The following NELL1 variants were observed in gnomAD, a reference collection of about 807,000 sequenced individuals.
NELL1 encodes protein kinase C-binding protein NELL1.
NELL1 carries 76 observed loss-of-function variants against 107.4 expected under a neutral mutation model. The ratio of observed to expected loss-of-function variants is 0.71; its 90% CI spans 0.59 to 0.86. The LOEUF is 0.86. NELL1 is among the 40% of genes least tolerant of loss of function. The pLI is 0.00. For synonymous variants in NELL1, 353 were observed against 341.2 expected (o/e 1.03, Z -0.38); for missense variants, 1,024 against 1,005.5 (o/e 1.02, Z -0.25).
At chr11:20,766,597 G>A (rs953984562) in intron 2 of NELL1, among the ~76,000 whole-genome samples, 1 of 152,152 alleles carries the variant, frequency 6.6e-6, no homozygotes, top group Non-Finnish European at 1.5e-5. Context: ...CAACTTCCTG[G>A]GGTCCTGCTT....
At chr11:21,544,810 T>TA (rs1373660693) in intron 16 of NELL1, among the ~76,000 whole-genome samples, 1 of 151,922 alleles carries the variant, frequency 6.6e-6, no homozygotes, top group Admixed American at 6.6e-5. Context: ...AGAATGAATA[T>TA]AAATTCCTAT....
At chr11:21,413,192 A>C (rs1852423169) in intron 15 of NELL1, among the ~76,000 whole-genome samples, 1 of 152,078 alleles carries the variant, frequency 6.6e-6, no homozygotes, top group South Asian at 2.1e-4. Flanking sequence ...ACGATGTGAC[A>C]GATGTTCAGC....
At chr11:21,058,668 G>A (rs934357425) in intron 12 of NELL1, among the ~76,000 whole-genome samples, 1 of 152,118 alleles carries the variant, frequency 6.6e-6, no homozygotes, top group Non-Finnish European at 1.5e-5. Flanking sequence ...TTTCTCCACA[G>A]TGCCAAGTGC....
intron 4 of NELL1, among the ~76,000 whole-genome samples, chr11:20,866,111 T>G (rs1054512628): frequency 2.8e-4 from 43 of 152,260 alleles, no homozygotes; most frequent in African/African-American, 9.9e-4. Context: ...TAAACTGTAA[T>G]GTACTGTGCA....
chr11:20,837,266 C>T (rs1300209150), intron 3 of NELL1, among the ~76,000 whole-genome samples: 1 of 152,006 alleles, frequency 6.6e-6, no homozygotes, highest in East Asian at 1.9e-4. Context: ...TGGGAGATTA[C>T]AGATAAGCAT....
intron 1 of NELL1, among the ~76,000 whole-genome samples, chr11:20,677,596 T>C (rs1447220245): frequency 6.6e-6 from 1 of 152,202 alleles, no homozygotes; most frequent in Non-Finnish European, 1.5e-5. Flanking sequence ...AGTTAGACTT[T>C]GCTAAAAATG....
At chr11:20,986,192 T>A (rs969966326) in intron 12 of NELL1, among the ~76,000 whole-genome samples, 1 of 152,256 alleles carries the variant, frequency 6.6e-6, no homozygotes, top group South Asian at 2.1e-4. Context: ...CCAGGGAGCC[T>A]TCAGCAGAGC....
rs186008669 is a variant in NELL1 at position 21,054,257 on chromosome 11, T to G, written c.1301-59332T>G. On this transcript the variant is annotated intron_variant, in intron 12 of 19. Transcript: ENST00000357134. Reference sequence around the variant, plus strand: ...AGTTAGGATAACAGTGTAGTTACTATTTGCCAACATTCTTTTTCAAATAGT... The same window carrying G: ...AGTTAGGATAACAGTGTAGTTACTAGTTGCCAACATTCTTTTTCAAATAGT... 3.2e-3 allele frequency among the ~76,000 whole-genome samples: 484 copies of G among 152,236 alleles called. 1 individual carries two copies. The highest frequency in any genetic ancestry group is 0.011 in the African/African-American group (473 of 41,560).
At chr11:21,407,888 T>G (rs1309798330) in intron 15 of NELL1, among the ~76,000 whole-genome samples, 4 of 151,910 alleles carry the variant, frequency 2.6e-5, no homozygotes. Context: ...CTCTCTATGG[T>G]CCATTTCAAA....
chr11:21,348,115 A>AT (rs1850725088), intron 14 of NELL1, among the ~76,000 whole-genome samples: 1 of 102,532 alleles, frequency 9.8e-6, no homozygotes, highest in African/African-American at 3.3e-5. Context: ...TTCCAGAATA[A>AT]TTTTTTCTAT....
At chr11:20,903,214 A>G (rs866094381) in intron 5 of NELL1, among the ~76,000 whole-genome samples, 2 of 152,196 alleles carry the variant, frequency 1.3e-5, no homozygotes, top group Middle Eastern at 3.4e-3. Flanking sequence ...CATGTTTCCA[A>G]GAATGAACAG....
chr11:21,227,733 G>A (rs573276836), intron 13 of NELL1, among the ~76,000 whole-genome samples: 89 of 152,206 alleles, frequency 5.8e-4, no homozygotes, highest in African/African-American at 1.1e-3. Context: ...TTTTCTCACC[G>A]TTTGCTAACC....
intron 14 of NELL1, among the ~76,000 whole-genome samples, chr11:21,360,975 G>T (rs1851062710): frequency 6.6e-6 from 1 of 152,160 alleles, no homozygotes; most frequent in East Asian, 1.9e-4. Context: ...ATATTGAGAT[G>T]TGAGGTACTG....
intron 13 of NELL1, among the ~76,000 whole-genome samples, chr11:21,178,269 A>C (rs1227690270): frequency 6.6e-6 from 1 of 151,760 alleles, no homozygotes; most frequent in Non-Finnish European, 1.5e-5. Context: ...CTAATCACTA[A>C]ATATTTAATG....
At chr11:21,072,668 C>T (rs1854042897) in intron 12 of NELL1, among the ~76,000 whole-genome samples, 1 of 151,962 alleles carries the variant, frequency 6.6e-6, no homozygotes, top group Admixed American at 6.6e-5. Context: ...TACAGAGAAG[C>T]AAAACTACTG....
At chr11:21,203,466 G>T (rs1857317999) in intron 13 of NELL1, among the ~76,000 whole-genome samples, 2 of 140,948 alleles carry the variant, frequency 1.4e-5, no homozygotes. Context: ...CAATTTGCGT[G>T]GTAAATATTC....
intron 14 of NELL1, among the ~76,000 whole-genome samples, chr11:21,301,074 C>G (rs1849481610): frequency 6.6e-6 from 1 of 152,130 alleles, no homozygotes; most frequent in Non-Finnish European, 1.5e-5. Flanking sequence ...AGAACATGAA[C>G]TCATCTTTTT....
At chr11:21,174,286 T>C (rs1856666685) in intron 13 of NELL1, among the ~76,000 whole-genome samples, 2 of 151,910 alleles carry the variant, frequency 1.3e-5, no homozygotes, top group Admixed American at 1.3e-4. Context: ...AAACTCTCCC[T>C]GCTTACTAAA....
chr11:21,194,944 T>A (rs904062527), intron 13 of NELL1, among the ~76,000 whole-genome samples: 1 of 152,122 alleles, frequency 6.6e-6, no homozygotes, highest in Non-Finnish European at 1.5e-5. Context: ...CAACAATTTT[T>A]GTTATCAAGA....
Sources: allele counts gnomAD v4.1 joint callset (sites outside exome capture counted in the v4.1 genomes callset), GRCh38; gene constraint gnomAD v4.1.1; transcripts MANE v1.5; gene names NCBI Gene and HGNC (gene_info 2026-07-23, HGNC 2026-07-21).